The following DYM variants were observed in gnomAD, a reference collection of about 807,000 sequenced individuals.
DYM encodes the protein dyggve-Melchior-Clausen syndrome protein.
Under a neutral mutation model 93.1 loss-of-function variants are expected in DYM, and 78 were observed. That is an observed-to-expected ratio of 0.84 (90% CI 0.70 to 1.01). The LOEUF is 1.01. Ranked by LOEUF, DYM falls within the 50% of genes least tolerant of loss-of-function variation. The pLI, the probability that DYM is intolerant of heterozygous loss-of-function variation, is 0.00. For synonymous variants in DYM, 321 were observed against 319.7 expected (o/e 1.00, Z -0.04); for missense variants, 789 against 845.0 (o/e 0.93, Z 0.82).
chr18:49,117,146 T>A (rs1462624453), intron 16 of DYM, among the ~76,000 whole-genome samples: 1 of 152,244 alleles, frequency 6.6e-6, no homozygotes, highest in African/African-American at 2.4e-5. Context: ...ATGGCAACTA[T>A]ACCCAAATTC....
intron 14 of DYM, among the ~76,000 whole-genome samples, chr18:49,174,570 CAG>C (rs2145335561): frequency 6.6e-6 from 1 of 152,190 alleles, no homozygotes; most frequent in South Asian, 2.1e-4. Context: ...CTTTCAGAAA[CAG>C]AAACTACTTT....
At chr18:49,170,889 A>G (rs2088620996) in intron 14 of DYM, among the ~76,000 whole-genome samples, 1 of 151,780 alleles carries the variant, frequency 6.6e-6, no homozygotes, top group African/African-American at 2.4e-5. Flanking sequence ...GAGAAGAACT[A>G]GGAAAGAAAG....
chr18:49,380,990 T>C (rs927263149), intron 3 of DYM, among the ~76,000 whole-genome samples: 2 of 150,392 alleles, frequency 1.3e-5, no homozygotes, highest in Non-Finnish European at 1.5e-5. Context: ...TCGCATATAT[T>C]TGAACTTCTT....
chr18:49,122,986 T>C (rs1433473432), intron 15 of DYM, among the ~76,000 whole-genome samples: 1 of 152,224 alleles, frequency 6.6e-6, no homozygotes, highest in African/African-American at 2.4e-5. Context: ...TGACTATATT[T>C]TTCATTTTAA....
chr18:49,121,943 C>G (rs2082417064), intron 15 of DYM, among the ~76,000 whole-genome samples: 3 of 152,018 alleles, frequency 2.0e-5, no homozygotes, highest in African/African-American at 4.8e-5. Flanking sequence ...AAATATGAAG[C>G]CAGACAGAAA....
chr18:49,439,972 T>C (rs1386788350), intron 1 of DYM, among the ~76,000 whole-genome samples: 1 of 151,230 alleles, frequency 6.6e-6, no homozygotes, highest in African/African-American at 2.4e-5. Flanking sequence ...ATCATGTCAC[T>C]GTACTTCAGC....
chr18:49,080,784 CG>C (rs1568387785), intron 17 of DYM, among the ~76,000 whole-genome samples: 1 of 143,656 alleles, frequency 7.0e-6, no homozygotes, highest in Non-Finnish European at 1.5e-5. Context: ...ACTTCTCAGA[CG>C]GGGCGGATGC....
chr18:49,267,477 G>A (rs113787097), intron 11 of DYM, among the ~76,000 whole-genome samples: 1 of 152,106 alleles, frequency 6.6e-6, no homozygotes, highest in Non-Finnish European at 1.5e-5. Flanking sequence ...AAAAGATCCA[G>A]AATAAAAAAT....
intron 8 of DYM, among the ~76,000 whole-genome samples, chr18:49,323,191 CA>C (rs1470357819): frequency 1.3e-5 from 2 of 151,940 alleles, no homozygotes; most frequent in Non-Finnish European, 2.9e-5. Context: ...TTTTAAAAAA[CA>C]AAAACAAAAC....
chr18:49,104,119 A>G (rs1478027718), intron 16 of DYM, among the ~76,000 whole-genome samples: 2 of 151,908 alleles, frequency 1.3e-5, no homozygotes, highest in Admixed American at 1.3e-4. Context: ...CCTTGAAGAG[A>G]TCCTTCACAT....
chr18:49,259,992 A>T lies in DYM; in HGVS notation c.1252-1499T>A, dbSNP rs184266395. On this transcript the variant is annotated intron_variant, in intron 11 of 17. Coordinates refer to ENST00000675505, the MANE Select transcript of DYM (RefSeq NM_001353214.3). ...AGGATTTAGGAAGCTGGAATTTTTT[A>T]AAAAAATTCTGATTAGTATATCTAG... is the stretch of plus-strand genomic sequence containing the variant. Among the ~76,000 whole-genome samples, 1,254 of 152,278 alleles carry T rather than the reference A, an allele frequency of 8.2e-3. 11 individuals are homozygous for T. The highest frequency in any genetic ancestry group is 0.027 in the Middle Eastern group (8 of 294).
At chr18:49,317,080 A>G (rs1337147087) in intron 8 of DYM, among the ~76,000 whole-genome samples, 1 of 152,206 alleles carries the variant, frequency 6.6e-6, no homozygotes, top group Non-Finnish European at 1.5e-5. Flanking sequence ...ATGTATCAAT[A>G]TTGGCTTGTC....
At chr18:49,307,197 G>A (rs180871113) in intron 8 of DYM, among the ~76,000 whole-genome samples, 3 of 152,180 alleles carry the variant, frequency 2.0e-5, no homozygotes, top group Admixed American at 2.0e-4. Context: ...ATTAAGGAGA[G>A]TTACAACAGA....
chr18:49,305,885 C>A (rs1038791141), intron 8 of DYM, among the ~76,000 whole-genome samples: 1 of 152,198 alleles, frequency 6.6e-6, no homozygotes, highest in Admixed American at 6.5e-5. Flanking sequence ...AACCACCAAG[C>A]TCCATTGTAC....
chr18:49,052,220 A>G (rs924037821), intron 17 of DYM, among the ~76,000 whole-genome samples: 1 of 152,224 alleles, frequency 6.6e-6, no homozygotes, highest in African/African-American at 2.4e-5. Flanking sequence ...ATAAATCATA[A>G]AAGAATTTTG....
chr18:49,420,699 C>T (rs933777549), intron 2 of DYM, among the ~76,000 whole-genome samples: 2 of 151,934 alleles, frequency 1.3e-5, no homozygotes, highest in South Asian at 2.1e-4. Flanking sequence ...GCCTGTGGAC[C>T]GTGAACCGAA....
At chr18:49,195,936 T>TTTTTTG (rs2091404458) in intron 14 of DYM, among the ~76,000 whole-genome samples, 1 of 114,642 alleles carries the variant, frequency 8.7e-6, no homozygotes, top group African/African-American at 3.6e-5. Context: ...TTTTTTTTTT[T>TTTTTTG]TTTTTGAGAC....
intron 13 of DYM, among the ~76,000 whole-genome samples, chr18:49,227,050 T>C (rs2093557866): frequency 6.6e-6 from 1 of 152,162 alleles, no homozygotes; most frequent in Admixed American, 6.6e-5. Context: ...CTGTCTGCAC[T>C]GAATAATCTG....
intron 14 of DYM, among the ~76,000 whole-genome samples, chr18:49,168,229 A>C (rs35369495): frequency 0.46 from 70,008 of 151,696 alleles, 17,127 homozygotes; most frequent in Middle Eastern, 0.55. Flanking sequence ...CTCTCTCTAT[A>C]TATATATATA....
Sources: allele counts gnomAD v4.1 joint callset (sites outside exome capture counted in the v4.1 genomes callset), GRCh38; gene constraint gnomAD v4.1.1; transcripts MANE v1.5; gene names NCBI Gene and HGNC (gene_info 2026-07-23, HGNC 2026-07-21).